ADAMTS17: variants seen among roughly 807,000 people sequenced by gnomAD.
The protein encoded by ADAMTS17 is ADAM metallopeptidase with thrombospondin type 1 motif 17.
ADAMTS17 carries 113 observed loss-of-function variants against 141.5 expected under a neutral mutation model. The observed-to-expected ratio is 0.80, with a 90% CI of 0.69 to 0.93. The LOEUF (loss-of-function observed/expected upper bound fraction) is 0.93, where lower values mean the gene tolerates loss of function less well. Among genes scored for constraint, ADAMTS17 ranks in the 40% least tolerant of loss-of-function variants. ADAMTS17 has a pLI of 0.00. For synonymous variants in ADAMTS17, 768 were observed against 630.6 expected (o/e 1.22, Z -3.27); for missense variants, 1,659 against 1,517.9 (o/e 1.09, Z -1.54).
At chr15:100,332,140 T>C (rs888220003) in intron 2 of ADAMTS17, among the ~76,000 whole-genome samples, 7 of 152,258 alleles carry the variant, frequency 4.6e-5, no homozygotes, top group African/African-American at 1.7e-4. Flanking sequence ...ATTAGAACTT[T>C]TGCCAAGAAA....
intron 4 of ADAMTS17, among the ~76,000 whole-genome samples, chr15:100,277,340 G>T (rs2044133268): frequency 6.6e-6 from 1 of 152,100 alleles, no homozygotes; most frequent in Non-Finnish European, 1.5e-5. Context: ...CCCATGAGGG[G>T]TGCAGGGTGG....
chr15:100,327,091 A>C (rs150070598), intron 3 of ADAMTS17, among the ~76,000 whole-genome samples: 1 of 152,316 alleles, frequency 6.6e-6, no homozygotes, highest in East Asian at 1.9e-4. Context: ...CTTGGCGATG[A>C]CCTTGAGCAG....
chr15:100,067,068 T>C (rs559395209), intron 15 of ADAMTS17, among the ~76,000 whole-genome samples: 23 of 151,534 alleles, frequency 1.5e-4, no homozygotes, highest in African/African-American at 5.6e-4. Context: ...CCTTCAACGC[T>C]TGAAATACAC....
chr15:100,266,024 T>C (rs1596396478), intron 4 of ADAMTS17, among the ~76,000 whole-genome samples: 1 of 152,212 alleles, frequency 6.6e-6, no homozygotes, highest in African/African-American at 2.4e-5. Context: ...AGAGAGAGGC[T>C]TGTCTCTTCC....
chr15:100,279,096 G>C (rs1460079540), intron 4 of ADAMTS17, among the ~76,000 whole-genome samples: 3 of 152,124 alleles, frequency 2.0e-5, no homozygotes, highest in Admixed American at 1.3e-4. Flanking sequence ...CCAGCTTTGT[G>C]TCCTTGCCCA....
chr15:100,181,853 G>A (rs2040536979), intron 8 of ADAMTS17, among the ~76,000 whole-genome samples: 1 of 152,232 alleles, frequency 6.6e-6, no homozygotes, highest in Admixed American at 6.5e-5. Flanking sequence ...TGCCCCCCAA[G>A]TCCACTGGCT....
intron 7 of ADAMTS17, among the ~76,000 whole-genome samples, chr15:100,221,466 T>G (rs1196749045): frequency 6.6e-6 from 1 of 152,240 alleles, no homozygotes; most frequent in Non-Finnish European, 1.5e-5. Context: ...TTGTTCTGAA[T>G]GGTCAGCCGT....
intron 15 of ADAMTS17, among the ~76,000 whole-genome samples, chr15:100,093,361 C>A (rs764103796): frequency 2.6e-5 from 4 of 152,120 alleles, no homozygotes; most frequent in Non-Finnish European, 4.4e-5. Flanking sequence ...CATTTGATTC[C>A]GCTTTATCTT....
At chr15:100,323,659 C>A (rs2045804711) in intron 3 of ADAMTS17, among the ~76,000 whole-genome samples, 1 of 151,712 alleles carries the variant, frequency 6.6e-6, no homozygotes, top group East Asian at 1.9e-4. Flanking sequence ...AATAGAAATT[C>A]AAAAATAAAA....
intron 14 of ADAMTS17, among the ~76,000 whole-genome samples, chr15:100,100,688 C>T (rs1288540333): frequency 6.6e-6 from 1 of 152,206 alleles, no homozygotes; most frequent in African/African-American, 2.4e-5. Flanking sequence ...CCCTAGTTTA[C>T]ACCCTCCTTA....
intron 19 of ADAMTS17, among the ~76,000 whole-genome samples, chr15:99,996,204 G>A (rs1961564): frequency 0.058 from 8,751 of 152,048 alleles, 748 homozygotes; most frequent in African/African-American, 0.18. Context: ...ACAGGCATGC[G>A]CCACCATGCC....
chr15:100,069,762 A>G (rs554352155), intron 15 of ADAMTS17, among the ~76,000 whole-genome samples: 2 of 147,554 alleles, frequency 1.4e-5, no homozygotes, highest in South Asian at 4.2e-4. Context: ...ATGGAAAGGA[A>G]CAACTGGTAA....
intron 15 of ADAMTS17, among the ~76,000 whole-genome samples, chr15:100,073,324 A>T (rs2034120275): frequency 6.6e-6 from 1 of 152,220 alleles, no homozygotes; most frequent in Admixed American, 6.5e-5. Flanking sequence ...AGGACTGTAA[A>T]CTAGTTCAAC....
At chr15:100,016,133 T>C (rs1352591749) in intron 18 of ADAMTS17, among the ~76,000 whole-genome samples, 2 of 152,224 alleles carry the variant, frequency 1.3e-5, no homozygotes, top group African/African-American at 4.8e-5. Context: ...ATTACTTTCT[T>C]CTACTAGTTC....
intron 3 of ADAMTS17, among the ~76,000 whole-genome samples, chr15:100,321,214 T>C (rs995163228): frequency 1.1e-4 from 17 of 152,124 alleles, no homozygotes; most frequent in African/African-American, 4.1e-4. Flanking sequence ...TTATCAAATT[T>C]CCACACCAGT....
Position 99,974,281 on chromosome 15 carries a change from G to C in ADAMTS17, c.*121C>G. The C allele has an allele frequency of 7.7e-7, 1 of 1,306,218 alleles. No homozygotes were observed. The highest frequency in any genetic ancestry group is 1.1e-6 in the Non-Finnish European group (1 of 912,498). 80.9% of individuals were successfully genotyped at this position (1,306,218 alleles called of 1,614,324 possible). On this transcript the variant is annotated 3_prime_UTR_variant, in exon 22 of 22. Transcript: ENST00000268070. Reference sequence around the variant, plus strand: ...TGGCAAACGCCAAGTCCACGCTCATGTTCTATGTAGTTGGATTCTTGTGGC... The same window carrying C: ...TGGCAAACGCCAAGTCCACGCTCATCTTCTATGTAGTTGGATTCTTGTGGC...
intron 8 of ADAMTS17, among the ~76,000 whole-genome samples, chr15:100,188,110 CTT>C (rs1447118783): frequency 6.6e-6 from 1 of 151,696 alleles, no homozygotes; most frequent in Non-Finnish European, 1.5e-5. Context: ...GAGTTTCACT[CTT>C]GTTGCCCAGG....
chr15:99,997,996 T>C lies in ADAMTS17; in HGVS notation c.2592-407A>G, dbSNP rs1455139222. 6.6e-6 allele frequency among the ~76,000 whole-genome samples: 1 copy of C among 152,162 alleles called. No individual in the cohort carries two copies. Among genetic ancestry groups the C allele is most frequent in the Admixed American group, 6.5e-5 (1 of 15,274 alleles). The stretch of plus-strand genomic sequence containing the variant: ...TGGTTTGGCTCTGATTCTCTTTACT[T>C]CTTACCCTCTGCTGGGAGAACAGTC... On this transcript the variant is annotated intron_variant, in intron 18 of 21. Coordinates refer to ENST00000268070, the MANE Select transcript of ADAMTS17 (RefSeq NM_139057.4). The surrounding 1 kb of genome is among the most constrained non-coding windows in gnomAD (Gnocchi z 4.7).
intron 15 of ADAMTS17, among the ~76,000 whole-genome samples, chr15:100,058,455 G>A (rs2032832272): frequency 6.6e-6 from 1 of 151,764 alleles, no homozygotes; most frequent in South Asian, 2.1e-4. Flanking sequence ...TTTTAAAGAT[G>A]TTTTAAAGTG....
Sources: allele counts gnomAD v4.1 joint callset (sites outside exome capture counted in the v4.1 genomes callset), GRCh38; gene constraint gnomAD v4.1.1; non-coding constraint Gnocchi (gnomAD v3.1); transcripts MANE v1.5; gene names NCBI Gene and HGNC (gene_info 2026-07-23, HGNC 2026-07-21).